The following DAB1 variants were observed in gnomAD, a reference collection of about 807,000 sequenced individuals.
DAB1 encodes DAB adaptor protein 1, also known as disabled homolog 1.
A neutral mutation model predicts 64.6 loss-of-function variants in DAB1; 15 were observed. That is an observed-to-expected ratio of 0.23 (90% CI 0.16 to 0.36). The LOEUF is 0.36. Ranked by LOEUF, DAB1 falls within the 10% of genes least tolerant of loss-of-function variation. DAB1 has a pLI of 1.00. For synonymous variants in DAB1, 235 were observed against 251.9 expected (o/e 0.93, Z 0.64); for missense variants, 596 against 706.7 (o/e 0.84, Z 1.78).
chr1:57,387,410 C>T (rs564810683), intron 1 of DAB1: 1 of 152,286 alleles, frequency 6.6e-6, no homozygotes, highest in Admixed American at 6.5e-5. Context: ...TTTTGAACTT[C>T]GTATCTTTTG....
upstream of DAB1, among the ~76,000 whole-genome samples, chr1:57,885,365 C>T (rs1167250452): frequency 6.6e-6 from 1 of 152,132 alleles, no homozygotes; most frequent in Non-Finnish European, 1.5e-5. Context: ...GATTCTAGCC[C>T]CGGCACCCTG....
At chr1:57,689,461 G>A (rs1646737975) in intron 6 of DAB1, among the ~76,000 whole-genome samples, 1 of 152,098 alleles carries the variant, frequency 6.6e-6, no homozygotes, top group Non-Finnish European at 1.5e-5. Context: ...TGAAAAGGAA[G>A]ATTCCATTTA....
intron 7 of DAB1, among the ~76,000 whole-genome samples, chr1:57,552,998 G>A (rs1031134305): frequency 2.6e-4 from 39 of 152,190 alleles, no homozygotes; most frequent in African/African-American, 9.4e-4. Flanking sequence ...AGGAGACTGG[G>A]ATGGTTCCAG....
intron 5 of DAB1, among the ~76,000 whole-genome samples, chr1:58,082,443 T>C (rs1404603484): frequency 6.7e-6 from 1 of 149,366 alleles, no homozygotes; most frequent in African/African-American, 2.5e-5. Flanking sequence ...AAGACAAAAA[T>C]AAACAAAATT....
At chr1:57,293,874 G>A (rs942063311) in intron 1 of DAB1, among the ~76,000 whole-genome samples, 2 of 152,018 alleles carry the variant, frequency 1.3e-5, no homozygotes, top group African/African-American at 2.4e-5. Context: ...CTTCAAAGAT[G>A]TTTGTTCAAC....
chr1:57,301,738 T>C (rs981711975), intron 1 of DAB1, among the ~76,000 whole-genome samples: 1 of 152,130 alleles, frequency 6.6e-6, no homozygotes, highest in Non-Finnish European at 1.5e-5. Flanking sequence ...GTACCAAGCC[T>C]AGGTGGTGCA....
chr1:57,273,935 C>A (rs894553425), intron 2 of DAB1, among the ~76,000 whole-genome samples: 4 of 152,036 alleles, frequency 2.6e-5, no homozygotes, highest in Admixed American at 6.6e-5. Flanking sequence ...ATAGGCCTTC[C>A]AGATGCAAAC....
At chr1:57,747,807 CAAAAA>C (rs373640023) in intron 6 of DAB1, among the ~76,000 whole-genome samples, 8,211 of 42,888 alleles carry the variant, frequency 0.19, 276 homozygotes, top group East Asian at 0.46. Flanking sequence ...GGACTCTGTC[CAAAAA>C]AAAAAAAAAA....
chr1:57,033,430 TG>T, intron 9 of DAB1: 1 of 1,612,964 alleles, frequency 6.2e-7, no homozygotes, highest in Non-Finnish European at 8.5e-7. Context: ...GGCAGGTTTC[TG>T]TTCTGTAACC....
At chr1:57,796,012 C>T (rs1040883009) in intron 6 of DAB1, among the ~76,000 whole-genome samples, 11 of 151,624 alleles carry the variant, frequency 7.3e-5, no homozygotes, top group African/African-American at 1.9e-4. Flanking sequence ...TATATATGCA[C>T]GCTGTGGTAA....
intron 4 of DAB1, among the ~76,000 whole-genome samples, chr1:58,277,299 C>A (rs2100435924): frequency 6.6e-6 from 1 of 152,218 alleles, no homozygotes; most frequent in South Asian, 2.1e-4. Flanking sequence ...CTCAGCCTCC[C>A]AAAGTGCTGG....
At chr1:58,397,020 G>A (rs546879148) in intron 3 of DAB1, among the ~76,000 whole-genome samples, 8 of 150,936 alleles carry the variant, frequency 5.3e-5, no homozygotes, top group African/African-American at 1.5e-4. Flanking sequence ...AGCCGAGATC[G>A]CACTACTGCA....
chr1:57,587,813 T>TA (rs1645398344), intron 7 of DAB1, among the ~76,000 whole-genome samples: 2 of 152,172 alleles, frequency 1.3e-5, no homozygotes, highest in African/African-American at 4.8e-5. Context: ...TGAACCCAGG[T>TA]AAAAAAGACA....
At chr1:57,704,692 T>A (rs1646944851) in intron 6 of DAB1, among the ~76,000 whole-genome samples, 1 of 152,184 alleles carries the variant, frequency 6.6e-6, no homozygotes, top group South Asian at 2.1e-4. Flanking sequence ...ATGTAAACTC[T>A]ATTCCTGTGT....
intron 2 of DAB1, among the ~76,000 whole-genome samples, chr1:57,236,384 G>C (rs184333034): frequency 6.6e-6 from 1 of 152,126 alleles, no homozygotes; most frequent in Non-Finnish European, 1.5e-5. Context: ...CCTGAAAAGC[G>C]CTACAGGAGA....
intron 3 of DAB1, chr1:58,505,955 T>G (rs1458766041): frequency 1.6e-6 from 1 of 624,886 alleles, no homozygotes; most frequent in Non-Finnish European, 2.8e-6. Flanking sequence ...GTAATCAAAA[T>G]AGTTAATAGG....
chr1:57,758,424 C>A (rs1479564480), intron 6 of DAB1, among the ~76,000 whole-genome samples: 1 of 152,188 alleles, frequency 6.6e-6, no homozygotes, highest in South Asian at 2.1e-4. Flanking sequence ...TGAAGATAGA[C>A]TTAAAAAAAT....
rs150233266 is a variant in DAB1, at chr1:57,587,124, C to T, written n.625+62468G>A. On this transcript the variant is annotated intron_variant and non_coding_transcript_variant, in intron 7 of 20. Coordinates refer to the DAB1 transcript ENST00000485760. Reference sequence around the variant, plus strand: ...TTTGGAAAATTTTCCCAAATGAATTCTATCACATATCCCCAGTTGTTTGAA... The same window carrying T: ...TTTGGAAAATTTTCCCAAATGAATTTTATCACATATCCCCAGTTGTTTGAA... Among the ~76,000 whole-genome samples the T allele has an allele frequency of 4.3e-3, 650 of 152,278 alleles. 16 individuals carry two copies. The highest frequency in any genetic ancestry group is 3.4e-3 in the Middle Eastern group (1 of 294).
At chr1:57,949,404 A>G (rs917399208) in intron 5 of DAB1, among the ~76,000 whole-genome samples, 32 of 152,188 alleles carry the variant, frequency 2.1e-4, no homozygotes, top group African/African-American at 7.5e-4. Flanking sequence ...AACAGGCCAT[A>G]GACCAGTACT....
Sources: allele counts gnomAD v4.1 joint callset (sites outside exome capture counted in the v4.1 genomes callset), GRCh38; gene constraint gnomAD v4.1.1; transcripts MANE v1.5; gene names NCBI Gene and HGNC (gene_info 2026-07-23, HGNC 2026-07-21).